ZNF182: variants seen among roughly 807,000 people sequenced by gnomAD.
ZNF182 encodes the protein zinc finger protein 182.
A neutral mutation model predicts 28.1 loss-of-function variants in ZNF182; 10 were observed. The ratio of observed to expected loss-of-function variants is 0.36; its 90% CI spans 0.22 to 0.60. The LOEUF (loss-of-function observed/expected upper bound fraction) is 0.60, where lower values mean the gene tolerates loss of function less well. Ranked by LOEUF, ZNF182 falls within the 20% of genes least tolerant of loss-of-function variation. The pLI, the probability that ZNF182 is intolerant of heterozygous loss-of-function variation, is 0.75. For missense variants in ZNF182, 352 were observed against 453.2 expected, an observed-to-expected ratio of 0.78 and a Z score of 2.03; for synonymous variants, 156 against 158.7, an observed-to-expected ratio of 0.98 and a Z score of 0.13.
chrX:47,976,025 T>C lies in ZNF182; in HGVS notation c.*142A>G, dbSNP rs1379606632. The stretch of plus-strand genomic sequence containing the variant: ...ACTTCTGCTTTTTCTCCCGTAGCTT[T>C]TGGGTTATGACTGAGATGAAAAGAA... On this transcript the variant is annotated 3_prime_UTR_variant, in exon 6 of 6. Transcript: ENST00000376943. 1 of 617,133 alleles carries C rather than the reference T, an allele frequency of 1.6e-6. No individual in the cohort carries two copies. The highest frequency in any genetic ancestry group is 3.7e-5 in the East Asian group (1 of 27,029). The allele number at this position is 617,133 out of a possible 1,213,427, so 50.9% of individuals were successfully genotyped here.
chrX:47,992,593 C>T (rs1380955848), intron 3 of ZNF182, among the ~76,000 whole-genome samples: 2 of 111,226 alleles, frequency 1.8e-5, no homozygotes, highest in Non-Finnish European at 3.8e-5. Context: ...AGGTCTGTCC[C>T]CCCGTGCCCC....
In ZNF182 at chrX:47,976,960, C is replaced by T. The variant is rs782520472; in HGVS notation, c.1070G>A (p.Cys357Tyr). Residue 357 changes from cysteine to tyrosine, a missense_variant, in exon 6 of 6, where the codon TGT becomes TAT. Cys to Tyr is a radical substitution (Grantham distance 194). Transcript: ENST00000376943. ...STHTGKKPHE[C>Y]NECKKTFSDK... is the part of the protein sequence containing the mutation. Reference sequence around the variant, plus strand: ...ACTGAAAGTTTTCTTACACTCATTACATTCATGGGGTTTCTTTCCTGTATG... The same window carrying T: ...ACTGAAAGTTTTCTTACACTCATTATATTCATGGGGTTTCTTTCCTGTATG... 8.3e-7 allele frequency: 1 copy of T among 1,206,045 alleles called. No homozygotes were observed. The highest frequency in any genetic ancestry group is 1.8e-5 in the African/African-American group (1 of 56,916).
Sources: gnomAD v4.1 joint callset for allele counts (sites outside exome capture counted in the v4.1 genomes callset) on GRCh38, gnomAD v4.1.1 for gene constraint, MANE v1.5 for transcripts, NCBI Gene and HGNC (gene_info 2026-07-23, HGNC 2026-07-21) for gene names.